NOX4: variants seen among roughly 807,000 people sequenced by gnomAD.
NOX4 encodes the protein kidney oxidase-1.
A neutral mutation model predicts 87.6 loss-of-function variants in NOX4; 69 were observed. The ratio of observed to expected loss-of-function variants is 0.79; its 90% CI spans 0.65 to 0.96. NOX4 has a LOEUF of 0.96. Among genes scored for constraint, NOX4 ranks in the 40% least tolerant of loss-of-function variants. The probability of loss-of-function intolerance (pLI) is 0.00; values close to 1 mark genes in which losing one functional copy is unlikely to be tolerated. For missense variants in NOX4, 680 were observed against 681.5 expected (o/e 1.00, Z 0.02); for synonymous variants, 275 against 238.2 (o/e 1.15, Z -1.42).
chr11:89,447,670 G>A (rs559826940), intron 4 of NOX4, among the ~76,000 whole-genome samples: 22 of 152,290 alleles, frequency 1.4e-4, no homozygotes, highest in Non-Finnish European at 3.2e-4. Context: ...TTGCTTGGTT[G>A]CTCTCCAGTT....
the NOX4 span, among the ~76,000 whole-genome samples, chr11:89,555,150 C>T: frequency 1.3e-5 from 2 of 150,452 alleles, no homozygotes; most frequent in Non-Finnish European, 3.0e-5. Flanking sequence ...ATTCTTTTTG[C>T]TGGTTCTGCT....
At chr11:89,569,433 T>G in the NOX4 span, among the ~76,000 whole-genome samples, 2 of 151,920 alleles carry the variant, frequency 1.3e-5, no homozygotes, top group African/African-American at 2.4e-5. Flanking sequence ...AGATATACAC[T>G]CAGCCAACAA....
At chr11:89,487,310 A>G (rs922760143) in intron 2 of NOX4, among the ~76,000 whole-genome samples, 2 of 152,354 alleles carry the variant, frequency 1.3e-5, no homozygotes, top group Non-Finnish European at 2.9e-5. Context: ...TATCACAGGT[A>G]TAAGTAAACA....
At chr11:89,531,856 A>G in the NOX4 span, among the ~76,000 whole-genome samples, 2 of 152,186 alleles carry the variant, frequency 1.3e-5, no homozygotes, top group African/African-American at 4.8e-5. Context: ...CAGCCTGGGG[A>G]CAGGATGCCC....
intron 2 of NOX4, among the ~76,000 whole-genome samples, chr11:89,478,078 C>T (rs769245056): frequency 8.5e-5 from 13 of 152,174 alleles, no homozygotes; most frequent in Non-Finnish European, 1.6e-4. Flanking sequence ...TTAGCATTGT[C>T]ATAAATTTGT....
At chr11:89,568,657 TTTCCAC>T in the NOX4 span, among the ~76,000 whole-genome samples, 1 of 152,308 alleles carries the variant, frequency 6.6e-6, no homozygotes, top group East Asian at 1.9e-4. Flanking sequence ...TCAAAAACAT[TTTCCAC>T]AGAATTAGAA....
the NOX4 span, among the ~76,000 whole-genome samples, chr11:89,572,226 A>G: frequency 4.4e-4 from 67 of 152,320 alleles, no homozygotes; most frequent in Non-Finnish European, 7.8e-4. Context: ...AACTTTCTAA[A>G]TTGATTGAGA....
At chr11:89,358,402 A>G (rs1473575000) in intron 12 of NOX4, among the ~76,000 whole-genome samples, 13 of 149,476 alleles carry the variant, frequency 8.7e-5, no homozygotes, top group South Asian at 2.1e-4. Context: ...AAAAAAAAAA[A>G]AAAAGAAAAG....
intron 6 of NOX4, among the ~76,000 whole-genome samples, chr11:89,434,169 A>G (rs764000901): frequency 1.5e-4 from 23 of 152,106 alleles, no homozygotes; most frequent in Non-Finnish European, 2.8e-4. Context: ...ACAATGTAAG[A>G]GCAACACAGG....
intron 12 of NOX4, among the ~76,000 whole-genome samples, chr11:89,365,459 A>G (rs1938890617): frequency 2.0e-5 from 3 of 151,936 alleles, no homozygotes; most frequent in African/African-American, 7.2e-5. Context: ...GGGTGGGAAA[A>G]AAAAAAACAG....
upstream of NOX4, chr11:89,491,556 T>G (rs1946859058): frequency 2.6e-6 from 1 of 387,764 alleles, no homozygotes; most frequent in East Asian, 4.6e-5. Context: ...CGCCGGCCCC[T>G]TTGTCTAGGG....
chr11:89,531,686 T>C, the NOX4 span, among the ~76,000 whole-genome samples: 5 of 152,208 alleles, frequency 3.3e-5, no homozygotes, highest in African/African-American at 9.7e-5. Flanking sequence ...CTCTCTCTAC[T>C]GTCATCAAGC....
At chr11:89,407,312 A>G (rs1273857891) in intron 8 of NOX4, among the ~76,000 whole-genome samples, 1 of 152,148 alleles carries the variant, frequency 6.6e-6, no homozygotes, top group Non-Finnish European at 1.5e-5. Flanking sequence ...AGTGAATGGT[A>G]AACAGAGAGT....
chr11:89,356,474 ATACT>A (rs372815071), intron 12 of NOX4, among the ~76,000 whole-genome samples: 303 of 152,244 alleles, frequency 2.0e-3, no homozygotes, highest in African/African-American at 6.9e-3. Context: ...TACCTTGGAA[ATACT>A]TACGTTGCAT....
chr11:89,450,382 A>G (rs575643761), intron 3 of NOX4, among the ~76,000 whole-genome samples: 3 of 152,312 alleles, frequency 2.0e-5, no homozygotes, highest in Admixed American at 2.0e-4. Context: ...TAAAATATCA[A>G]TATCTATCCA....
the NOX4 span, among the ~76,000 whole-genome samples, chr11:89,526,028 T>A: frequency 6.6e-6 from 1 of 152,146 alleles, no homozygotes; most frequent in Non-Finnish European, 1.5e-5. Context: ...TATACGTGAG[T>A]CTATTTCAGA....
At chr11:89,387,144 T>G (rs1239348378) in intron 11 of NOX4, among the ~76,000 whole-genome samples, 4 of 151,988 alleles carry the variant, frequency 2.6e-5, no homozygotes, top group African/African-American at 9.7e-5. Context: ...ACCCCAACAC[T>G]TTACCACTAT....
At chr11:89,327,699 A>G (rs1349177499) in intron 17 of NOX4, among the ~76,000 whole-genome samples, 1 of 152,198 alleles carries the variant, frequency 6.6e-6, no homozygotes, top group Admixed American at 6.5e-5. Flanking sequence ...TTATGTCAGA[A>G]TAACTCGCAC....
At chr11:89,389,702 T>C (rs1940989256) in intron 11 of NOX4, among the ~76,000 whole-genome samples, 1 of 151,950 alleles carries the variant, frequency 6.6e-6, no homozygotes, top group African/African-American at 2.4e-5. Context: ...TGTCCAAAAG[T>C]AAGAGCAGTG....
Sources: allele counts gnomAD v4.1 joint callset (sites outside exome capture counted in the v4.1 genomes callset), GRCh38; gene constraint gnomAD v4.1.1; transcripts MANE v1.5; gene names NCBI Gene and HGNC (gene_info 2026-07-23, HGNC 2026-07-21).